TRPM3: variants seen among roughly 807,000 people sequenced by gnomAD.
TRPM3 encodes transient receptor potential cation channel subfamily M member 3, also known as long transient receptor potential channel 3.
A neutral mutation model predicts 181.2 loss-of-function variants in TRPM3; 77 were observed. The ratio of observed to expected loss-of-function variants is 0.42; its 90% CI spans 0.35 to 0.51. The LOEUF (loss-of-function observed/expected upper bound fraction) is 0.51, where lower values mean the gene tolerates loss of function less well. Among genes scored for constraint, TRPM3 ranks in the 20% least tolerant of loss-of-function variants. The pLI is 0.01. For synonymous variants in TRPM3, 745 were observed against 796.4 expected (o/e 0.94, Z 1.09); for missense variants, 1,759 against 2,196.7 (o/e 0.80, Z 3.98).
chr9:70,831,965 A>ATG, intron 5 of TRPM3, among the ~76,000 whole-genome samples: 1 of 64,554 alleles, frequency 1.5e-5, no homozygotes, highest in Admixed American at 1.7e-4. Flanking sequence ...CCCCATAAAT[A>ATG]TATATATATA....
At chr9:70,968,705 A>G (rs989072948) in intron 1 of TRPM3, among the ~76,000 whole-genome samples, 1 of 152,144 alleles carries the variant, frequency 6.6e-6, no homozygotes, top group African/African-American at 2.4e-5. Context: ...GGGCTGTGAT[A>G]AGTTCTTCGC....
intron 9 of TRPM3, among the ~76,000 whole-genome samples, chr9:70,653,937 T>G (rs188085961): frequency 8.6e-4 from 131 of 152,284 alleles, no homozygotes; most frequent in African/African-American, 3.1e-3. Flanking sequence ...TATTGTATGA[T>G]TTGACCTCTT....
Position 70,625,487 on chromosome 9 carries a change from A to G in TRPM3, c.1663T>C (p.Phe555Leu), listed in dbSNP as rs753125447. ...ATGCTGGTTAATTAATTCACCTTAAAATAGATCCAACCGAAACCTGGATAC... is the reference window on the plus strand; with the variant it reads ...ATGCTGGTTAATTAATTCACCTTAAGATAGATCCAACCGAAACCTGGATAC... ...REYPGFGWIY[F>L]KGNLPPDYRI... Residue 555 changes from phenylalanine to leucine, a missense_variant, in exon 13 of 26, where the codon TTT (phenylalanine) becomes CTT (leucine). Phe to Leu is a conservative substitution (Grantham distance 22). Coordinates refer to ENST00000677713, the MANE Select transcript of TRPM3 (RefSeq NM_001366145.2). The surrounding 1 kb of genome is among the most constrained non-coding windows in gnomAD (Gnocchi z 4.8). The G allele has an allele frequency of 1.2e-6, 2 of 1,612,294 alleles. No homozygotes were observed. The highest frequency in any genetic ancestry group is 1.1e-5 in the South Asian group (1 of 90,324).
At chr9:71,132,557 T>C (rs1198137935) in intron 1 of TRPM3, among the ~76,000 whole-genome samples, 1 of 152,174 alleles carries the variant, frequency 6.6e-6, no homozygotes, top group African/African-American at 2.4e-5. Context: ...GTTACACAAC[T>C]GTATAGAATT....
At chr9:70,653,537 C>G (rs1196688871) in intron 9 of TRPM3, among the ~76,000 whole-genome samples, 1 of 151,684 alleles carries the variant, frequency 6.6e-6, no homozygotes. Flanking sequence ...TGGTCAAATC[C>G]AAGTGAGAAT....
At chr9:70,566,053 T>C (rs1003080676) in intron 22 of TRPM3, among the ~76,000 whole-genome samples, 4 of 152,172 alleles carry the variant, frequency 2.6e-5, no homozygotes, top group East Asian at 1.9e-4. Context: ...CAAAGATCCC[T>C]GCCCCTAGAC....
At chr9:70,932,161 T>C (rs2133423411) in intron 1 of TRPM3, among the ~76,000 whole-genome samples, 1 of 152,302 alleles carries the variant, frequency 6.6e-6, no homozygotes. Context: ...GAGAGCATTT[T>C]AGATTTGCTT....
intron 1 of TRPM3, among the ~76,000 whole-genome samples, chr9:71,291,493 A>C (rs1339944629): frequency 1.3e-5 from 2 of 152,256 alleles, no homozygotes; most frequent in Admixed American, 6.5e-5. Context: ...ATTTGTCAAA[A>C]GTATATTCTT....
intron 4 of TRPM3, among the ~76,000 whole-genome samples, chr9:70,843,840 C>T (rs1444617258): frequency 6.6e-6 from 1 of 152,160 alleles, no homozygotes; most frequent in Non-Finnish European, 1.5e-5. Flanking sequence ...TAACCTCCCT[C>T]TCAAATGATC....
intron 1 of TRPM3, among the ~76,000 whole-genome samples, chr9:71,047,202 C>T (rs2059542790): frequency 6.6e-6 from 1 of 152,124 alleles, no homozygotes; most frequent in Admixed American, 6.5e-5. Flanking sequence ...AAGGAGTTCA[C>T]ATGTGAATAT....
chr9:70,541,960 GA>G (rs1203044989), intron 25 of TRPM3, among the ~76,000 whole-genome samples: 1 of 152,078 alleles, frequency 6.6e-6, no homozygotes, highest in Non-Finnish European at 1.5e-5. Flanking sequence ...TGGTTTCTAC[GA>G]AAATAAAAAA....
chr9:70,571,818 C>G (rs2052475395), intron 22 of TRPM3, among the ~76,000 whole-genome samples: 1 of 152,092 alleles, frequency 6.6e-6, no homozygotes, highest in Admixed American at 6.6e-5. Flanking sequence ...TACTTGACCA[C>G]CTAAATTTTT....
intron 8 of TRPM3, among the ~76,000 whole-genome samples, chr9:70,751,999 AGTGTGTGTGTGTGTGT>A (rs71507124): frequency 2.6e-4 from 27 of 104,570 alleles, no homozygotes; most frequent in African/African-American, 9.9e-4. Flanking sequence ...ACATCTCAAC[AGTGTGTGTGTGTGTGT>A]GTGTGTGTGT....
chr9:71,434,261 T>C (rs2093999682), intron 1 of TRPM3, among the ~76,000 whole-genome samples: 1 of 152,090 alleles, frequency 6.6e-6, no homozygotes, highest in Non-Finnish European at 1.5e-5. Context: ...GTGATGATAT[T>C]AGGAGGTGGG....
At chr9:70,917,290 A>T in intron 1 of TRPM3, 1 of 1,380,936 alleles carries the variant, frequency 7.2e-7, no homozygotes. Context: ...TTAGGAAGCG[A>T]AAGTGGTATA....
chr9:70,640,422 T>C (rs911514439), intron 10 of TRPM3, 138 bp downstream of exon 10: 4 of 612,448 alleles, frequency 6.5e-6, no homozygotes, highest in African/African-American at 5.5e-5. Context: ...GAGCTCAGGA[T>C]ACAGACTTTG....
chr9:71,215,291 T>C (rs954277112), intron 1 of TRPM3, among the ~76,000 whole-genome samples: 1 of 152,190 alleles, frequency 6.6e-6, no homozygotes, highest in African/African-American at 2.4e-5. Flanking sequence ...AGAGTGTGCA[T>C]TGCAAAACAT....
At chr9:71,306,302 A>C (rs887450970) in intron 1 of TRPM3, among the ~76,000 whole-genome samples, 2 of 152,188 alleles carry the variant, frequency 1.3e-5, no homozygotes, top group African/African-American at 4.8e-5. Flanking sequence ...CCACGCAGCA[A>C]ATGACTTGAA....
At chr9:71,421,544 C>G (rs1380155299) in intron 1 of TRPM3, among the ~76,000 whole-genome samples, 2 of 151,912 alleles carry the variant, frequency 1.3e-5, no homozygotes, top group African/African-American at 2.4e-5. Context: ...ATCCACACAA[C>G]AAACCATACC....
Sources: gnomAD v4.1 joint callset for allele counts (sites outside exome capture counted in the v4.1 genomes callset) on GRCh38, gnomAD v4.1.1 for gene constraint, Gnocchi (gnomAD v3.1) non-coding constraint, MANE v1.5 for transcripts, NCBI Gene and HGNC (gene_info 2026-07-23, HGNC 2026-07-21) for gene names.